FAM13A: variants seen among roughly 807,000 people sequenced by gnomAD.
FAM13A encodes family with sequence similarity 13 member A.
FAM13A carries 76 observed loss-of-function variants against 129.6 expected under a neutral mutation model. The ratio of observed to expected loss-of-function variants is 0.59; its 90% CI spans 0.49 to 0.71. The LOEUF (loss-of-function observed/expected upper bound fraction) is 0.71, where lower values mean the gene tolerates loss of function less well. FAM13A is among the 30% of genes least tolerant of loss of function. The probability of loss-of-function intolerance (pLI) is 0.00; values close to 1 mark genes in which losing one functional copy is unlikely to be tolerated. For missense variants in FAM13A, 1,108 were observed against 1,249.3 expected (o/e 0.89, Z 1.70); for synonymous variants, 443 against 449.9 (o/e 0.98, Z 0.20).
chr4:88,835,804 G>A (rs182464377), intron 7 of FAM13A, among the ~76,000 whole-genome samples: 157 of 152,174 alleles, frequency 1.0e-3, no homozygotes, highest in African/African-American at 3.6e-3. Flanking sequence ...TAGTGATGGG[G>A]AGAGGCTGTA....
At chr4:88,776,700 T>C (rs1184819550) in intron 11 of FAM13A, among the ~76,000 whole-genome samples, 2 of 151,986 alleles carry the variant, frequency 1.3e-5, no homozygotes, top group African/African-American at 4.8e-5. Context: ...AGTGGCCGAG[T>C]GTGGTGGCTC....
intron 6 of FAM13A, among the ~76,000 whole-genome samples, 174 bp downstream of exon 6, chr4:88,906,205 C>T (rs1183477559): frequency 1.3e-5 from 2 of 152,120 alleles, no homozygotes; most frequent in Admixed American, 1.3e-4. Flanking sequence ...GGAGAACTGC[C>T]TGAACCCAGG....
intron 7 of FAM13A, among the ~76,000 whole-genome samples, chr4:88,821,984 C>A (rs1241362684): frequency 6.6e-6 from 1 of 152,130 alleles, no homozygotes; most frequent in Non-Finnish European, 1.5e-5. Flanking sequence ...CAAAAACATT[C>A]ACTGAAATAT....
At chr4:89,022,463 T>C (rs1350370904) in intron 2 of FAM13A, among the ~76,000 whole-genome samples, 1 of 152,172 alleles carries the variant, frequency 6.6e-6, no homozygotes, top group Non-Finnish European at 1.5e-5. Flanking sequence ...GCTCCAATTC[T>C]GAAAAAAATT....
At chr4:88,889,391 CA>C (rs1744987482) in intron 6 of FAM13A, among the ~76,000 whole-genome samples, 1 of 152,144 alleles carries the variant, frequency 6.6e-6, no homozygotes, top group Non-Finnish European at 1.5e-5. Flanking sequence ...CATGTATTAT[CA>C]GGAAATTCTG....
At chr4:88,929,869 C>G (rs546496003) in intron 5 of FAM13A, among the ~76,000 whole-genome samples, 135 of 152,246 alleles carry the variant, frequency 8.9e-4, no homozygotes, top group Middle Eastern at 3.4e-3. Flanking sequence ...TCTTGAATAC[C>G]TGGGACTACA....
At chr4:88,762,202 T>C (rs932627111) in intron 13 of FAM13A, among the ~76,000 whole-genome samples, 11 of 152,278 alleles carry the variant, frequency 7.2e-5, no homozygotes, top group African/African-American at 2.6e-4. Context: ...GAGGTCAGTG[T>C]TTCTGGAATC....
At chr4:89,043,954 T>A (rs1342716490) in intron 1 of FAM13A, among the ~76,000 whole-genome samples, 1 of 151,814 alleles carries the variant, frequency 6.6e-6, no homozygotes, top group East Asian at 1.9e-4. Flanking sequence ...GCCAGCAAGC[T>A]GGGCATGGTG....
chr4:88,738,435 C>T (rs537130253), intron 20 of FAM13A, among the ~76,000 whole-genome samples: 1 of 152,316 alleles, frequency 6.6e-6, no homozygotes, highest in African/African-American at 2.4e-5. Flanking sequence ...TCGCTGAAGG[C>T]AAGCTGCTGC....
At chr4:88,894,272 T>C (rs1745900190) in intron 6 of FAM13A, among the ~76,000 whole-genome samples, 1 of 152,180 alleles carries the variant, frequency 6.6e-6, no homozygotes, top group South Asian at 2.1e-4. Flanking sequence ...AGCAAACTAT[T>C]GGAAGTGACT....
chr4:88,844,098 T>G (rs1214198688), intron 7 of FAM13A, among the ~76,000 whole-genome samples: 2 of 152,190 alleles, frequency 1.3e-5, no homozygotes, highest in African/African-American at 4.8e-5. Context: ...ATTGGGCACA[T>G]GTAACAATAT....
chr4:89,044,136 C>T (rs563417914), intron 1 of FAM13A, among the ~76,000 whole-genome samples: 4 of 141,800 alleles, frequency 2.8e-5, no homozygotes, highest in African/African-American at 1.1e-4. Flanking sequence ...AGACACAACA[C>T]ATAGAATAGA....
At chr4:88,800,148 A>T (rs186550073) in intron 8 of FAM13A, among the ~76,000 whole-genome samples, 1 of 152,204 alleles carries the variant, frequency 6.6e-6, no homozygotes, top group Non-Finnish European at 1.5e-5. Flanking sequence ...GGGGATAGGG[A>T]AAGGAGGAAA....
intron 5 of FAM13A, among the ~76,000 whole-genome samples, chr4:88,917,904 C>T (rs764850671): frequency 6.6e-6 from 1 of 152,146 alleles, no homozygotes; most frequent in South Asian, 2.1e-4. Context: ...CAATCAGATA[C>T]CCATTCACTA....
At chr4:88,970,066 G>C (rs546338203) in intron 4 of FAM13A, among the ~76,000 whole-genome samples, 6 of 152,312 alleles carry the variant, frequency 3.9e-5, no homozygotes, top group African/African-American at 1.2e-4. Context: ...GCTGGTCATA[G>C]AGAAGGCACT....
chr4:88,812,934 T>G (rs1370974650), intron 7 of FAM13A, among the ~76,000 whole-genome samples: 1 of 152,232 alleles, frequency 6.6e-6, no homozygotes, highest in African/African-American at 2.4e-5. Flanking sequence ...TTCTCTGATA[T>G]CTGTACATTG....
At chr4:88,956,020 A>C (rs1023908280) in intron 4 of FAM13A, among the ~76,000 whole-genome samples, 12 of 152,246 alleles carry the variant, frequency 7.9e-5, no homozygotes, top group Admixed American at 3.9e-4. Flanking sequence ...AACTAGTTAC[A>C]GTAAGTTAAG....
intron 14 of FAM13A, among the ~76,000 whole-genome samples, chr4:88,757,863 C>T (rs1743997017): frequency 1.3e-5 from 2 of 152,100 alleles, no homozygotes; most frequent in African/African-American, 4.8e-5. Flanking sequence ...CAAGGAGATC[C>T]ACGTGCTGAA....
chr4:88,985,120 T>C (rs766121097), intron 4 of FAM13A, among the ~76,000 whole-genome samples: 2 of 152,220 alleles, frequency 1.3e-5, no homozygotes, highest in Non-Finnish European at 2.9e-5. Context: ...AAAGGAATGA[T>C]GTACTGACAC....
Sources: gnomAD v4.1 joint callset for allele counts (sites outside exome capture counted in the v4.1 genomes callset) on GRCh38, gnomAD v4.1.1 for gene constraint, MANE v1.5 for transcripts, NCBI Gene and HGNC (gene_info 2026-07-23, HGNC 2026-07-21) for gene names.